WDR45: variants seen among roughly 807,000 people sequenced by gnomAD.
WDR45 encodes the protein WD repeat domain 45, also known as WD repeat domain phosphoinositide-interacting protein 4.
Under a neutral mutation model 27.3 loss-of-function variants are expected in WDR45, and 2 were observed. That is an observed-to-expected ratio of 0.07 (90% CI 0.03 to 0.23). The LOEUF is 0.23. Among genes scored for constraint, WDR45 ranks in the 10% least tolerant of loss-of-function variants. The pLI is 1.00. For missense variants in WDR45, 175 were observed against 311.9 expected, an observed-to-expected ratio of 0.56 and a Z score of 3.31; for synonymous variants, 99 against 119.2, an observed-to-expected ratio of 0.83 and a Z score of 1.11.
intron 2 of WDR45, among the ~76,000 whole-genome samples, chrX:49,096,544 T>C (rs781985900): frequency 2.7e-5 from 3 of 112,673 alleles, no homozygotes; most frequent in South Asian, 3.6e-4. Flanking sequence ...CTTATCTTTA[T>C]AGATTCAAAT....
chrX:49,086,085 ACCCAG>A (rs2065085241), intron 2 of WDR45, among the ~76,000 whole-genome samples: 1 of 111,439 alleles, frequency 9.0e-6, no homozygotes, highest in Non-Finnish European at 1.9e-5. Flanking sequence ...CTCTGCTCAG[ACCCAG>A]TTGAGCCAGC....
chrX:49,077,754 A>G lies in WDR45; in HGVS notation c.131-7T>C, dbSNP rs1057524035. On this transcript the variant is annotated splice_polypyrimidine_tract_variant and splice_region_variant and intron_variant, in intron 3 of 10. Transcript: ENST00000376372. The stretch of plus-strand genomic sequence containing the variant: ...CTGCCCACCTGCTCGTGGTCTGGAC[A>G]GGGACCAGGGTGTCAGTGGAGGTGG... 8.3e-7 allele frequency: 1 copy of G among 1,199,546 alleles called. No individual in the cohort carries two copies. The highest frequency in any genetic ancestry group is 1.8e-5 in the South Asian group (1 of 55,388).
chrX:49,095,078 G>A (rs1483539589), intron 2 of WDR45, among the ~76,000 whole-genome samples: 1 of 109,662 alleles, frequency 9.1e-6, no homozygotes, highest in African/African-American at 3.3e-5. Flanking sequence ...ATGAGCCACC[G>A]AGCCCGACCA....
In WDR45 at chrX:49,075,063, A is replaced by G. The variant is rs1298778878; in HGVS notation, c.973+73T>C. 7 of 1,185,524 alleles carry G rather than the reference A, an allele frequency of 5.9e-6. No individual in the cohort carries two copies. The African/African-American group carries it at 8.8e-5, about 15-fold the overall frequency. ...TGAAGCTGAGCCTCACATGGCCCTA[A>G]AATCCTTTCAGGTCCAACCTGCAGG... On this transcript the variant is annotated intron_variant, in intron 10 of 10. Coordinates refer to ENST00000376372, the MANE Select transcript of WDR45 (RefSeq NM_001029896.2).
intron 2 of WDR45, among the ~76,000 whole-genome samples, chrX:49,092,264 G>A (rs1045780370): frequency 4.4e-4 from 48 of 110,004 alleles, no homozygotes; most frequent in Non-Finnish European, 8.1e-4. Flanking sequence ...GGGCAGTTAG[G>A]AAGGGAATTA....
chrX:49,083,029 AC>A (rs1557085395), upstream of WDR45, among the ~76,000 whole-genome samples: 1 of 111,171 alleles, frequency 9.0e-6, no homozygotes, highest in Non-Finnish European at 1.9e-5. Flanking sequence ...ATAGGCATGC[AC>A]CACCACGCCC....
At chrX:49,100,888 G>A (rs2065143375) in intron 1 of WDR45, 1 of 112,893 alleles carries the variant, frequency 8.9e-6, no homozygotes, top group South Asian at 3.6e-4. Context: ...TACTCCTGCA[G>A]ATCAAACTCA....
At chrX:49,083,559 T>C (rs1057170), upstream of WDR45, among the ~76,000 whole-genome samples, 1 of 110,056 alleles carries the variant, frequency 9.1e-6, no homozygotes, top group African/African-American at 3.3e-5. Flanking sequence ...TTCATGTGGG[T>C]GTCACATACT....
chrX:49,086,597 CTTTTTT>C (rs1289915066), intron 2 of WDR45, among the ~76,000 whole-genome samples: 1 of 107,556 alleles, frequency 9.3e-6, no homozygotes, highest in African/African-American at 3.4e-5. Context: ...TGTCTTTTCT[CTTTTTT>C]TTTTCCCCGA....
intron 2 of WDR45, among the ~76,000 whole-genome samples, chrX:49,096,326 G>T (rs1425168698): frequency 4.5e-5 from 5 of 110,785 alleles, no homozygotes; most frequent in Non-Finnish European, 9.4e-5. Context: ...AACCTCCTGA[G>T]CTCACTCAAT....
chrX:49,098,901 C>T (rs1048685414), intron 2 of WDR45, among the ~76,000 whole-genome samples: 19 of 112,143 alleles, frequency 1.7e-4, no homozygotes, highest in African/African-American at 6.2e-4. Context: ...ACAATGCACC[C>T]CTCACTTCCT....
At chrX:49,077,611 T>G in intron 4 of WDR45, 32 bp downstream of exon 4, 1 of 1,159,582 alleles carries the variant, frequency 8.6e-7, no homozygotes, top group Non-Finnish European at 1.2e-6. Flanking sequence ...ATCCGAGAAA[T>G]CTGGGCCAAA....
intron 2 of WDR45, among the ~76,000 whole-genome samples, chrX:49,095,251 C>T (rs1247375054): frequency 5.4e-5 from 6 of 110,790 alleles, no homozygotes; most frequent in Non-Finnish European, 1.1e-4. Context: ...GTGCCTCACA[C>T]CTGTAATCCC....
intron 2 of WDR45, among the ~76,000 whole-genome samples, chrX:49,095,083 C>T (rs1206612657): frequency 3.6e-5 from 4 of 110,658 alleles, no homozygotes; most frequent in Non-Finnish European, 5.7e-5. Context: ...CCACCGAGCC[C>T]GACCATCCTG....
intron 2 of WDR45, among the ~76,000 whole-genome samples, chrX:49,085,477 G>A (rs1473561516): frequency 8.9e-6 from 1 of 112,177 alleles, no homozygotes; most frequent in South Asian, 3.7e-4. Context: ...GACCCTAAAA[G>A]ATCCTTAGGA....
At chrX:49,090,293 ACC>A (rs1461984796) in intron 2 of WDR45, among the ~76,000 whole-genome samples, 5 of 111,279 alleles carry the variant, frequency 4.5e-5, no homozygotes, top group Non-Finnish European at 7.5e-5. Context: ...GGAACTCCTG[ACC>A]TCAGGTGATC....
At chrX:49,091,027 G>C (rs782276250) in intron 2 of WDR45, among the ~76,000 whole-genome samples, 74 of 109,821 alleles carry the variant, frequency 6.7e-4, no homozygotes, top group African/African-American at 2.4e-3. Flanking sequence ...GTTTCACCGT[G>C]TTAGCCAGGA....
chrX:49,094,336 G>A (rs1229786215), intron 2 of WDR45, among the ~76,000 whole-genome samples: 1 of 110,985 alleles, frequency 9.0e-6, no homozygotes, highest in Non-Finnish European at 1.9e-5. Context: ...ATGCGTGGTG[G>A]TGTACGCCTG....
intron 6 of WDR45, 189 bp downstream of exon 6, chrX:49,076,241 G>A: frequency 1.9e-6 from 1 of 520,820 alleles, no homozygotes; most frequent in Non-Finnish European, 3.2e-6. Context: ...CCCAGGGGTG[G>A]GGCAGGTCCG....
Sources: allele counts gnomAD v4.1 joint callset (sites outside exome capture counted in the v4.1 genomes callset), GRCh38; gene constraint gnomAD v4.1.1; transcripts MANE v1.5; gene names NCBI Gene and HGNC (gene_info 2026-07-23, HGNC 2026-07-21).